Variants in HDAC4 observed in about 807,000 individuals in gnomAD.
HDAC4 encodes histone deacetylase A.
HDAC4 carries 16 observed loss-of-function variants against 135.1 expected under a neutral mutation model. The ratio of observed to expected loss-of-function variants is 0.12; its 90% CI spans 0.08 to 0.18. The LOEUF is 0.18. Ranked by LOEUF, HDAC4 falls within the 10% of genes least tolerant of loss-of-function variation. The pLI is 1.00. For synonymous variants in HDAC4, 685 were observed against 653.4 expected, an observed-to-expected ratio of 1.05 and a Z score of -0.74; for missense variants, 1,143 against 1,511.8, an observed-to-expected ratio of 0.76 and a Z score of 4.05.
At chr2:239,204,062 T>C (rs982291796) in intron 3 of HDAC4, among the ~76,000 whole-genome samples, 3 of 152,164 alleles carry the variant, frequency 2.0e-5, no homozygotes, top group Non-Finnish European at 4.4e-5. Context: ...TGTAGGAGAA[T>C]GAAGGGAAGA....
rs570455596 is a variant in HDAC4 at position 239,262,481 on chromosome 2, T to C, written c.23-25817A>G. Among the ~76,000 whole-genome samples the C allele has an allele frequency of 6.6e-6, 1 of 152,294 alleles. No homozygotes were observed. Among genetic ancestry groups the C allele is most frequent in the African/African-American group, 2.4e-5 (1 of 41,566 alleles). ...TAATTAGAAACAGACGAGGATCTTC[T>C]CAAATCACCCTTGCCTTGTTTGCCC... On this transcript the variant is annotated intron_variant, in intron 2 of 26. Transcript: ENST00000543185. The surrounding 1 kb of genome is among the most constrained non-coding windows in gnomAD (Gnocchi z 4.1).
chr2:239,094,375 T>C (rs2036800120), intron 17 of HDAC4: 1 of 985,442 alleles, frequency 1.0e-6, no homozygotes, highest in Non-Finnish European at 1.2e-6. Context: ...AAAGTCCTTG[T>C]GAACTTATGC....
intron 2 of HDAC4, among the ~76,000 whole-genome samples, chr2:239,292,851 A>C (rs1167788454): frequency 6.6e-6 from 1 of 152,240 alleles, no homozygotes; most frequent in Non-Finnish European, 1.5e-5. Context: ...ACAAGAGACT[A>C]AAAGCTGGGT....
chr2:239,123,247 A>G (rs933443690), intron 12 of HDAC4, among the ~76,000 whole-genome samples: 1 of 152,234 alleles, frequency 6.6e-6, no homozygotes, highest in Non-Finnish European at 1.5e-5. Context: ...AGTGCTTTTG[A>G]CACCTGGGAG....
At chr2:239,377,874 G>T (rs74003970) in intron 1 of HDAC4, among the ~76,000 whole-genome samples, 2,009 of 152,178 alleles carry the variant, frequency 0.013, 54 homozygotes, top group African/African-American at 0.046. Context: ...CCTTCTGCTG[G>T]GACTGTCTCC....
At position 239,101,749 on chromosome 2, in the gene HDAC4, C is replaced by G. The variant is rs576844145; in HGVS notation, c.2233+1027G>C. On this transcript the variant is annotated intron_variant, in intron 16 of 26. Transcript: ENST00000543185. ...GATCCCCCATCCCCAGGTCCGTGTTCTGTGCCCTGGGATCCCCTGGCCCTC... is the reference window on the plus strand; with the variant it reads ...GATCCCCCATCCCCAGGTCCGTGTTGTGTGCCCTGGGATCCCCTGGCCCTC... Among the ~76,000 whole-genome samples, 6 of 152,242 alleles carry G rather than the reference C, an allele frequency of 3.9e-5. No individual in the cohort carries two copies. In the South Asian group the frequency reaches 1.2e-3, roughly 32 times the overall value.
chr2:239,158,667 C>G lies in HDAC4; in HGVS notation c.612-1894G>C, dbSNP rs1575228110. Among the ~76,000 whole-genome samples, 3 of 152,160 alleles carry G rather than the reference C, an allele frequency of 2.0e-5. No individual in the cohort carries two copies. The South Asian group carries it at 6.2e-4, about 32-fold the overall frequency. On this transcript the variant is annotated intron_variant, in intron 6 of 26. Transcript: ENST00000543185. ...AGAGACCTCACAGGAGCGACCTCAC[C>G]TCCTGCATAGCCCAGCTCACCGCCA...
chr2:239,297,651 T>C (rs1389834197), intron 2 of HDAC4, among the ~76,000 whole-genome samples: 1 of 152,156 alleles, frequency 6.6e-6, no homozygotes, highest in Non-Finnish European at 1.5e-5. Context: ...GCCCCAATGG[T>C]AGCGCCCATC....
Position 239,307,906 on chromosome 2 carries a change from C to T in HDAC4, c.22+44772G>A, listed in dbSNP as rs2052682708. 6.6e-6 allele frequency among the ~76,000 whole-genome samples: 1 copy of T among 152,182 alleles called. No individual in the cohort carries two copies. The highest frequency in any genetic ancestry group is 2.1e-4 in the South Asian group (1 of 4,832). On this transcript the variant is annotated intron_variant, in intron 2 of 26. Transcript: ENST00000543185. This position sits in a 1 kb window ranked among gnomAD's most constrained non-coding sequence, Gnocchi z 4.8. ...GCCACATCACGTTTTGCCACTATCT[C>T]AGAATTCCTGATCTCCACCTGAAAA... is the stretch of plus-strand genomic sequence containing the variant.
At chr2:239,399,210 A>G (rs550562133) in intron 1 of HDAC4, among the ~76,000 whole-genome samples, 1 of 152,322 alleles carries the variant, frequency 6.6e-6, no homozygotes, top group East Asian at 1.9e-4. Context: ...AATTTCACAT[A>G]TTTTTGATAT....
rs935915212 is a variant in HDAC4 at position 239,068,244 on chromosome 2, C to T, written c.2869+245G>A. 1.3e-5 allele frequency among the ~76,000 whole-genome samples: 2 copies of T among 152,166 alleles called. No individual in the cohort carries two copies. Among genetic ancestry groups the T allele is most frequent in the Non-Finnish European group, 2.9e-5 (2 of 68,012 alleles). The stretch of plus-strand genomic sequence containing the variant: ...CACCCGCATCCCAGAGAGGGAGCCT[C>T]GTGTGCCCTAGGCCCTTCCTGGGCA... On this transcript the variant is annotated intron_variant, in intron 23 of 26. Coordinates refer to ENST00000543185, the MANE Select transcript of HDAC4 (RefSeq NM_001378414.1). This position sits in a 1 kb window ranked among gnomAD's most constrained non-coding sequence, Gnocchi z 4.4.
At chr2:239,325,116 A>T (rs1420128733) in intron 2 of HDAC4, among the ~76,000 whole-genome samples, 2 of 152,218 alleles carry the variant, frequency 1.3e-5, no homozygotes, top group African/African-American at 2.4e-5. Flanking sequence ...ATCTAAATAT[A>T]AGAACTAAAA....
chr2:239,364,906 G>T (rs549906185), intron 1 of HDAC4, among the ~76,000 whole-genome samples: 3 of 152,300 alleles, frequency 2.0e-5, no homozygotes, highest in Non-Finnish European at 2.9e-5. Flanking sequence ...AAACGGAAAA[G>T]AATTCTTTCA....
At chr2:239,117,013 G>A (rs1198658131) in intron 12 of HDAC4, among the ~76,000 whole-genome samples, 1 of 152,190 alleles carries the variant, frequency 6.6e-6, no homozygotes, top group African/African-American at 2.4e-5. Context: ...TCCCAGGAGG[G>A]TAGGGACCAC....
chr2:239,230,871 A>G (rs2047512533), intron 3 of HDAC4, among the ~76,000 whole-genome samples: 1 of 152,178 alleles, frequency 6.6e-6, no homozygotes, highest in Non-Finnish European at 1.5e-5. Context: ...TCACCAAACG[A>G]AACAATGCAA....
At chr2:239,054,269 C>T (rs1007990844) in intron 25 of HDAC4, among the ~76,000 whole-genome samples, 12 of 152,080 alleles carry the variant, frequency 7.9e-5, no homozygotes, top group African/African-American at 2.4e-4. Flanking sequence ...AGATAGGCTG[C>T]GTGCCACGCC....
chr2:239,242,626 TTTC>T (rs1161827924), intron 2 of HDAC4, among the ~76,000 whole-genome samples: 3 of 152,210 alleles, frequency 2.0e-5, no homozygotes, highest in Non-Finnish European at 2.9e-5. Flanking sequence ...CCTCACACCT[TTTC>T]TTCTTCTTTA....
chr2:239,247,422 A>G (rs1456189731), intron 2 of HDAC4, among the ~76,000 whole-genome samples: 1 of 152,238 alleles, frequency 6.6e-6, no homozygotes, highest in Non-Finnish European at 1.5e-5. Flanking sequence ...AGGAGTGAAT[A>G]AACGAACACA....
intron 12 of HDAC4, 53 bp downstream of exon 12, chr2:239,126,403 C>T (rs1362386103): frequency 1.1e-5 from 18 of 1,611,350 alleles, no homozygotes; most frequent in South Asian, 2.2e-5. Flanking sequence ...GAGGCTGAAG[C>T]GCACAGCACA....
Sources: allele counts gnomAD v4.1 joint callset (sites outside exome capture counted in the v4.1 genomes callset), GRCh38; gene constraint gnomAD v4.1.1; non-coding constraint Gnocchi (gnomAD v3.1); transcripts MANE v1.5; gene names NCBI Gene and HGNC (gene_info 2026-07-23, HGNC 2026-07-21).